Variants in KL observed in about 807,000 individuals in gnomAD.
KL encodes the protein klotho.
A neutral mutation model predicts 84.2 loss-of-function variants in KL; 62 were observed. That is an observed-to-expected ratio of 0.74 (90% CI 0.60 to 0.91). The LOEUF (loss-of-function observed/expected upper bound fraction) is 0.91, where lower values mean the gene tolerates loss of function less well. Among genes scored for constraint, KL ranks in the 40% least tolerant of loss-of-function variants. KL has a pLI of 0.00. For missense variants in KL, 1,261 were observed against 1,305.7 expected, an observed-to-expected ratio of 0.97 and a Z score of 0.53; for synonymous variants, 528 against 528.0, an observed-to-expected ratio of 1.00 and a Z score of 0.00.
intron 1 of KL, among the ~76,000 whole-genome samples, chr13:33,022,726 G>A (rs1469161981): frequency 6.6e-6 from 1 of 152,110 alleles, no homozygotes; most frequent in Non-Finnish European, 1.5e-5. Flanking sequence ...CTCAGTTGTG[G>A]CTCTCTTAAG....
chr13:33,062,242 CG>C, intron 4 of KL, among the ~76,000 whole-genome samples: 1 of 151,922 alleles, frequency 6.6e-6, no homozygotes, highest in East Asian at 1.9e-4. Flanking sequence ...TAGCTGGGCA[CG>C]GTGGCATATA....
intron 1 of KL, among the ~76,000 whole-genome samples, chr13:33,042,573 A>G (rs140290777): frequency 6.6e-6 from 1 of 152,334 alleles, no homozygotes; most frequent in East Asian, 1.9e-4. Flanking sequence ...CTTTGCATTA[A>G]TGAATAGTAT....
Position 33,055,147 on chromosome 13 carries a change from C to T in KL, c.1431C>T (p.Phe477=). ...GTTACAGCATCAGGCGTGGACTCTT[C>T]TATGTTGACTTTCTAAGCCAGGACA... ...HRGYSIRRGL[F]YVDFLSQDKM... is the part of the protein sequence containing the mutation. The change falls in exon 3 of 5, where the codon TTC becomes TTT. Residue 477 remains phenylalanine, a synonymous_variant. Coordinates refer to ENST00000380099, the MANE Select transcript of KL (RefSeq NM_004795.4). 6.2e-7 allele frequency: 1 copy of T among 1,614,206 alleles called. No individual in the cohort carries two copies. The highest frequency in any genetic ancestry group is 8.5e-7 in the Non-Finnish European group (1 of 1,180,046).
Position 33,061,682 on chromosome 13 carries a change from T to A in KL, c.2603T>A (p.Met868Lys). The A allele has an allele frequency of 6.2e-7, 1 of 1,614,090 alleles. No homozygotes were observed. Among genetic ancestry groups the A allele is most frequent in the Non-Finnish European group, 8.5e-7 (1 of 1,179,972 alleles). Reference sequence around the variant, plus strand: ...AAGTTCAAGTACGGAGACCTCCCCATGTACATAATATCCAATGGAATCGAT... The same window carrying A: ...AAGTTCAAGTACGGAGACCTCCCCAAGTACATAATATCCAATGGAATCGAT... ...WLKFKYGDLP[M>K]YIISNGIDDG... Residue 868 changes from methionine to lysine, a missense_variant, in exon 4 of 5, where the codon ATG (methionine) becomes AAG (lysine). Transcript: ENST00000380099.
At position 33,060,941 on chromosome 13, in the gene KL, G is replaced by T; in HGVS notation, c.1862G>T (p.Cys621Phe). Residue 621 changes from cysteine to phenylalanine, a missense_variant, in exon 4 of 5, where the codon TGC (cysteine) becomes TTC (phenylalanine). Cys to Phe is a radical substitution (Grantham distance 205, BLOSUM62 -2). Transcript: ENST00000380099. ...VNHTILQYYR[C>F]MASELVRVNI... is the part of the protein sequence containing the mutation. Reference sequence around the variant, plus strand: ...CACACCATCCTGCAGTACTATCGCTGCATGGCCAGCGAGCTTGTCCGTGTC... The same window carrying T: ...CACACCATCCTGCAGTACTATCGCTTCATGGCCAGCGAGCTTGTCCGTGTC... 6.2e-7 allele frequency: 1 copy of T among 1,612,056 alleles called. No individual in the cohort carries two copies. The highest frequency in any genetic ancestry group is 8.5e-7 in the Non-Finnish European group (1 of 1,178,324).
At chr13:33,042,579 A>C (rs1178858802) in intron 1 of KL, among the ~76,000 whole-genome samples, 1 of 152,194 alleles carries the variant, frequency 6.6e-6, no homozygotes, top group Admixed American at 6.5e-5. Context: ...ATTAATGAAT[A>C]GTATTCCATT....
intron 3 of KL, among the ~76,000 whole-genome samples, chr13:33,056,142 GGA>G (rs1871948485): frequency 6.6e-6 from 1 of 152,212 alleles, no homozygotes; most frequent in African/African-American, 2.4e-5. Context: ...ATGATGCAAT[GGA>G]GTGAAGCGGG....
chr13:33,063,928 C>T lies in KL; in HGVS notation c.2781C>T (p.Leu927=), dbSNP rs368462892. The change falls in exon 5 of 5, where the codon CTC becomes CTT. Residue 927 remains leucine (L), a synonymous_variant. Coordinates refer to ENST00000380099, the MANE Select transcript of KL (RefSeq NM_004795.4). Reference sequence around the variant, plus strand: ...ACCGCACAGCTCCGAGGTTTGGCCTCTATCGTTATGCTGCAGATCAGTTTG... The same window carrying T: ...ACCGCACAGCTCCGAGGTTTGGCCTTTATCGTTATGCTGCAGATCAGTTTG... ...FNDRTAPRFG[L]YRYAADQFEP... is the part of the protein sequence containing the mutation. The T allele has an allele frequency of 6.2e-7, 1 of 1,614,048 alleles. No homozygotes were observed.
chr13:33,040,094 G>A (rs1871284368), intron 1 of KL, among the ~76,000 whole-genome samples: 1 of 152,176 alleles, frequency 6.6e-6, no homozygotes, highest in African/African-American at 2.4e-5. Context: ...ACTGCACACA[G>A]AGACTACTGG....
chr13:33,062,468 T>C (rs1419423528), intron 4 of KL, among the ~76,000 whole-genome samples: 1 of 150,662 alleles, frequency 6.6e-6, no homozygotes, highest in African/African-American at 2.4e-5. Flanking sequence ...AGGTCAGAAG[T>C]TCAAGACCAG....
chr13:33,057,369 G>A (rs1872002350), intron 3 of KL, among the ~76,000 whole-genome samples: 1 of 152,170 alleles, frequency 6.6e-6, no homozygotes, highest in Non-Finnish European at 1.5e-5. Context: ...TAAATAGTGA[G>A]AAAGTCTTAA....
At chr13:33,047,356 C>CT (rs57916391) in intron 1 of KL, among the ~76,000 whole-genome samples, 26,560 of 139,116 alleles carry the variant, frequency 0.19, 2,691 homozygotes, top group East Asian at 0.31. Flanking sequence ...AATCTACTTT[C>CT]TTTTTTTTTT....
At chr13:33,033,717 C>T (rs936101676) in intron 1 of KL, among the ~76,000 whole-genome samples, 3 of 151,816 alleles carry the variant, frequency 2.0e-5, no homozygotes, top group Admixed American at 2.0e-4. Context: ...GTCTTCTCTA[C>T]TTCCAGCAAC....
Position 33,064,579 on chromosome 13 carries a change from C to T in KL, c.*393C>T. 2 of 272,240 alleles carry T rather than the reference C, an allele frequency of 7.3e-6. No homozygotes were observed. The highest frequency in any genetic ancestry group is 1.1e-4 in the East Asian group (2 of 17,760). 16.9% of individuals were successfully genotyped at this position (272,240 alleles called of 1,614,324 possible). On this transcript the variant is annotated 3_prime_UTR_variant, in exon 5 of 5. Coordinates refer to ENST00000380099, the MANE Select transcript of KL (RefSeq NM_004795.4). The stretch of plus-strand genomic sequence containing the variant: ...TCTGGAAGTAGTAATTGCAAGAGTT[C>T]GAATAGAAAGTTATGTACCAAGTAA...
intron 1 of KL, among the ~76,000 whole-genome samples, chr13:33,043,521 G>A (rs1230553986): frequency 6.6e-6 from 1 of 152,112 alleles, no homozygotes; most frequent in African/African-American, 2.4e-5. Context: ...TACCCAGCCT[G>A]TTGCCAGTAT....
chr13:33,028,809 G>A (rs1177963410), intron 1 of KL, among the ~76,000 whole-genome samples: 1 of 152,232 alleles, frequency 6.6e-6, no homozygotes, highest in Non-Finnish European at 1.5e-5. Flanking sequence ...TGATATTCAT[G>A]TTGGCAGAAT....
chr13:33,043,977 T>C (rs545394743), intron 1 of KL, among the ~76,000 whole-genome samples: 2 of 152,208 alleles, frequency 1.3e-5, no homozygotes, highest in Non-Finnish European at 2.9e-5. Flanking sequence ...ATAAGTTTTA[T>C]AGTTTTAGCT....
intron 1 of KL, among the ~76,000 whole-genome samples, chr13:33,032,920 C>T (rs2138203417): frequency 6.6e-6 from 1 of 152,108 alleles, no homozygotes; most frequent in South Asian, 2.1e-4. Flanking sequence ...AAGAAAGAAT[C>T]TTTCCTTCCT....
At position 33,019,708 on chromosome 13, in the gene KL, G is replaced by GGTGTGTGTGT. The variant is rs111786826; in HGVS notation, c.819+2465_819+2474dup. Among the ~76,000 whole-genome samples, 308 of 133,244 alleles carry GGTGTGTGTGT rather than the reference G, an allele frequency of 2.3e-3. 3 individuals are homozygous for GGTGTGTGTGT. Among genetic ancestry groups the GGTGTGTGTGT allele is most frequent in the African/African-American group, 7.3e-3 (260 of 35,638 alleles). 87.4% of individuals were successfully genotyped at this position (133,244 alleles called of 152,430 possible). ...TACTGGAGTGAGCCTTGGCAAAAAT[G>GGTGTGTGTGT]GTGTGTGTGTGTGTGTGTGTGTGTG... On this transcript the variant is annotated intron_variant, in intron 1 of 4. Coordinates refer to ENST00000380099, the MANE Select transcript of KL (RefSeq NM_004795.4).
Sources: allele counts gnomAD v4.1 joint callset (sites outside exome capture counted in the v4.1 genomes callset), GRCh38; gene constraint gnomAD v4.1.1; transcripts MANE v1.5; gene names NCBI Gene and HGNC (gene_info 2026-07-23, HGNC 2026-07-21).